DDX60L: variants seen among roughly 807,000 people sequenced by gnomAD.
The protein encoded by DDX60L is DExD/H-box 60 like, also known as probable ATP-dependent RNA helicase DDX60-like.
DDX60L carries 191 observed loss-of-function variants against 211.6 expected under a neutral mutation model. That is an observed-to-expected ratio of 0.90 (90% CI 0.80 to 1.02). The LOEUF is 1.02. Among genes scored for constraint, DDX60L ranks in the 50% least tolerant of loss-of-function variants. The pLI is 0.00. For synonymous variants in DDX60L, 706 were observed against 694.1 expected, an observed-to-expected ratio of 1.02 and a Z score of -0.27; for missense variants, 2,007 against 1,984.1, an observed-to-expected ratio of 1.01 and a Z score of -0.22.
intron 26 of DDX60L, among the ~76,000 whole-genome samples, chr4:168,397,116 A>G (rs545557312): frequency 3.3e-5 from 5 of 152,326 alleles, no homozygotes; most frequent in African/African-American, 1.2e-4. Context: ...TCTATGAACC[A>G]GGAAGCAGCT....
intron 22 of DDX60L, among the ~76,000 whole-genome samples, chr4:168,411,666 C>T (rs1403621625): frequency 2.0e-5 from 3 of 152,084 alleles, no homozygotes; most frequent in Non-Finnish European, 4.4e-5. Context: ...CAGCCTAGGC[C>T]ACAAGGACTA....
chr4:168,373,692 A>C lies in DDX60L; in HGVS notation c.4750T>G (p.Leu1584Val). Residue 1584 changes from leucine to valine, a missense_variant, in exon 35 of 38, where the codon TTG (leucine) becomes GTG (valine). Transcript: ENST00000682922. ...TGGTTGATAGTCTCTGGTCGAAGCA[A>C]ATCATTATCTGTGTTCCCCGAAAGA... ...VCLSGNTDND[L>V]LRPETINQVI... 3 of 1,613,852 alleles carry C rather than the reference A, an allele frequency of 1.9e-6. No individual in the cohort carries two copies. The highest frequency in any genetic ancestry group is 2.5e-6 in the Non-Finnish European group (3 of 1,179,814).
In DDX60L at chr4:168,472,516, C is replaced by T; in HGVS notation, c.13G>A (p.Asp5Asn). The change falls in exon 3 of 38, where the codon GAT (aspartate) becomes AAT (asparagine). Residue 5 changes from aspartate (D) to asparagine (N), a missense_variant. Coordinates refer to ENST00000682922, the MANE Select transcript of DDX60L (RefSeq NM_001012967.3). MGSK[D>N]HAVFFREMTQ... is the part of the protein sequence containing the mutation. ...ATTTCCCTGAAAAATACTGCATGATCCTTTGACCCTAAAAATAAGGAGATT... is the reference window on the plus strand; with the variant it reads ...ATTTCCCTGAAAAATACTGCATGATTCTTTGACCCTAAAAATAAGGAGATT... 1.9e-6 allele frequency: 3 copies of T among 1,579,552 alleles called. No homozygotes were observed. Among genetic ancestry groups the T allele is most frequent in the Non-Finnish European group, 1.7e-6 (2 of 1,161,352 alleles).
intron 1 of DDX60L, among the ~76,000 whole-genome samples, chr4:168,473,066 G>A (rs919300235): frequency 1.6e-4 from 25 of 152,094 alleles, no homozygotes; most frequent in African/African-American, 6.0e-4. Flanking sequence ...CCCAAAAAAA[G>A]CAATAAAAAG....
intron 26 of DDX60L, 86 bp downstream of exon 26, chr4:168,400,740 C>T: frequency 8.4e-7 from 1 of 1,193,146 alleles, no homozygotes; most frequent in East Asian, 2.5e-5. Context: ...CTCTTTGTGG[C>T]TCAGGTCTCT....
At chr4:168,368,148 T>C (rs1332449063) in intron 36 of DDX60L, among the ~76,000 whole-genome samples, 1 of 152,050 alleles carries the variant, frequency 6.6e-6, no homozygotes. Context: ...GTGGCAGAGG[T>C]CTTCATGGCA....
At chr4:168,464,894 A>G (rs1464045742) in intron 4 of DDX60L, among the ~76,000 whole-genome samples, 2 of 152,060 alleles carry the variant, frequency 1.3e-5, no homozygotes, top group Non-Finnish European at 2.9e-5. Flanking sequence ...TTATCCATTC[A>G]TGTGTTGATG....
chr4:168,377,291 CAAAT>C (rs200027731), intron 33 of DDX60L, among the ~76,000 whole-genome samples: 58,263 of 109,278 alleles, frequency 0.53, 12,434 homozygotes, highest in East Asian at 0.63. Context: ...GACTCTGTCT[CAAAT>C]AAATAAATAA....
At chr4:168,462,289 T>C (rs1042937932) in intron 4 of DDX60L, among the ~76,000 whole-genome samples, 1 of 152,228 alleles carries the variant, frequency 6.6e-6, no homozygotes, top group African/African-American at 2.4e-5. Context: ...TTACTATCTA[T>C]GTTCAAATAG....
In DDX60L at chr4:168,427,309, TG is replaced by T. The variant is rs1751618786; in HGVS notation, c.1690del (p.His564ThrfsTer34). 6.2e-6 allele frequency: 10 copies of T among 1,612,844 alleles called. No individual in the cohort carries two copies. The highest frequency in any genetic ancestry group is 1.3e-5 in the African/African-American group (1 of 74,860). ...TTTCTTACTCTTTTTGGTAATTTGG[TG>T]GGGTTTGGTATTCTGCTCAATAATA... ...SGEILQNTKP[H>X]QITKKSKKKS... On this transcript the variant is annotated frameshift_variant, in exon 14 of 38. Transcript: ENST00000682922. LOFTEE classifies it high-confidence loss of function.
In DDX60L at chr4:168,373,789, A is replaced by C; in HGVS notation, c.4653T>G (p.Cys1551Trp). 6.2e-7 allele frequency: 1 copy of C among 1,613,908 alleles called. No individual in the cohort carries two copies. The highest frequency in any genetic ancestry group is 1.3e-5 in the African/African-American group (1 of 75,036). The change falls in exon 35 of 38, where the codon TGT becomes TGG. Residue 1551 changes from cysteine (C) to tryptophan (W), a missense_variant. Cys to Trp is a radical substitution (Grantham distance 215). Transcript: ENST00000682922. ...AGTGAGACACGAGTTGGGAGTCTTC[A>C]CATTCTTTACCTGTGAATTCTGACC... ...LSRIKFTGKE[C>W]EDSQLVSHLM...
intron 9 of DDX60L, among the ~76,000 whole-genome samples, chr4:168,441,966 GT>G (rs1753909558): frequency 6.6e-6 from 1 of 152,146 alleles, no homozygotes; most frequent in South Asian, 2.1e-4. Context: ...TTCAAAACAA[GT>G]TTTTAAAGAG....
At chr4:168,394,010 T>C (rs1442911676) in intron 28 of DDX60L, among the ~76,000 whole-genome samples, 3 of 152,080 alleles carry the variant, frequency 2.0e-5, no homozygotes, top group East Asian at 1.9e-4. Flanking sequence ...CTGGCCCGTA[T>C]GGTGAAACCC....
At chr4:168,382,915 C>G (rs539671989) in intron 30 of DDX60L, among the ~76,000 whole-genome samples, 1 of 152,292 alleles carries the variant, frequency 6.6e-6, no homozygotes, top group Non-Finnish European at 1.5e-5. Context: ...ACAATAATAG[C>G]TAGCATTTAT....
chr4:168,437,783 C>T (rs1753255064), intron 10 of DDX60L, among the ~76,000 whole-genome samples: 1 of 152,184 alleles, frequency 6.6e-6, no homozygotes, highest in East Asian at 1.9e-4. Context: ...CTCTGATAAC[C>T]TGACTCTGGC....
At position 168,468,959 on chromosome 4, in the gene DDX60L, G is replaced by C. The variant is rs1301638290; in HGVS notation, c.264+2788C>G. 2.0e-5 allele frequency: 3 copies of C among 152,152 alleles called. No homozygotes were observed. The East Asian group carries it at 5.8e-4, about 29-fold the overall frequency. 9.4% of individuals were successfully genotyped at this position (152,152 alleles called of 1,614,324 possible). A position where few individuals can be genotyped will look rare whatever the true frequency, so the allele number is the denominator to read the frequency against. ...ACTACAAAACTGATAAAACAAATTA[G>C]AGATCTTAAAAAACAGAGATACATA... On this transcript the variant is annotated intron_variant, in intron 4 of 37. Transcript: ENST00000682922.
chr4:168,443,047 GAGA>G (rs1204712131), intron 9 of DDX60L, among the ~76,000 whole-genome samples: 2 of 152,094 alleles, frequency 1.3e-5, no homozygotes, highest in East Asian at 1.9e-4. Flanking sequence ...GATGAGCTGA[GAGA>G]AGAAGGCTTC....
At chr4:168,443,800 T>A (rs1754318883) in intron 9 of DDX60L, among the ~76,000 whole-genome samples, 1 of 151,242 alleles carries the variant, frequency 6.6e-6, no homozygotes, top group African/African-American at 2.4e-5. Flanking sequence ...GAGGGAGAAA[T>A]AAAATACTTT....
At chr4:168,365,695 C>T (rs1739859035) in intron 36 of DDX60L, among the ~76,000 whole-genome samples, 1 of 152,020 alleles carries the variant, frequency 6.6e-6, no homozygotes, top group African/African-American at 2.4e-5. Context: ...TATTCTGACT[C>T]CAAAACCAGA....
Sources: gnomAD v4.1 joint callset for allele counts (sites outside exome capture counted in the v4.1 genomes callset) on GRCh38, gnomAD v4.1.1 for gene constraint, MANE v1.5 for transcripts, NCBI Gene and HGNC (gene_info 2026-07-23, HGNC 2026-07-21) for gene names.